The following DNAAF4 variants were observed in gnomAD, a reference collection of about 807,000 sequenced individuals.
DNAAF4 encodes the protein dynein axonemal assembly factor 4.
DNAAF4 carries 43 observed loss-of-function variants against 51.8 expected under a neutral mutation model. That is an observed-to-expected ratio of 0.83 (90% confidence interval 0.65 to 1.07). The LOEUF is 1.07. Ranked by LOEUF, DNAAF4 falls within the 50% of genes least tolerant of loss-of-function variation. The pLI is 0.00. For missense variants in DNAAF4, 581 were observed against 493.0 expected, an observed-to-expected ratio of 1.18 and a Z score of -1.69; for synonymous variants, 194 against 165.6, an observed-to-expected ratio of 1.17 and a Z score of -1.32.
chr15:55,457,883 C>T (rs2058042818), intron 5 of DNAAF4, among the ~76,000 whole-genome samples: 1 of 152,210 alleles, frequency 6.6e-6, no homozygotes, highest in Non-Finnish European at 1.5e-5. Flanking sequence ...TCTTTGCAGA[C>T]ATTCCCCAGC....
At chr15:55,493,666 T>C (rs971009751) in intron 3 of DNAAF4, among the ~76,000 whole-genome samples, 3 of 152,182 alleles carry the variant, frequency 2.0e-5, no homozygotes, top group Admixed American at 1.3e-4. Context: ...AAAAAAATGG[T>C]TAAATAAATA....
At chr15:55,424,856 C>T (rs564161542) in intron 7 of DNAAF4, among the ~76,000 whole-genome samples, 6 of 151,572 alleles carry the variant, frequency 4.0e-5, no homozygotes, top group African/African-American at 7.3e-5. Flanking sequence ...ACCCCGTGCC[C>T]GGCTGTACCT....
At position 55,490,483 on chromosome 15, in the gene DNAAF4, T is replaced by A. The variant is rs563268939; in HGVS notation, c.405+640A>T. 2.8e-3 allele frequency among the ~76,000 whole-genome samples: 424 copies of A among 152,272 alleles called. 1 individual carries two copies. The highest frequency in any genetic ancestry group is 0.01 in the Middle Eastern group (3 of 294). ...TTAAAACCCTTAACAGTTAAAAAAA[T>A]TTGACAATAATGTTTTAAATATGCT... On this transcript the variant is annotated intron_variant, in intron 4 of 9. Transcript: ENST00000321149.
chr15:55,498,011 T>C, intron 2 of DNAAF4, 152 bp from the exon 3 acceptor site: 2 of 1,312,220 alleles, frequency 1.5e-6, no homozygotes, highest in Non-Finnish European at 2.1e-6. Flanking sequence ...GAGGAAGCCC[T>C]GGATAAAAGT....
At chr15:55,489,864 C>T (rs571646968) in intron 4 of DNAAF4, among the ~76,000 whole-genome samples, 52 of 150,464 alleles carry the variant, frequency 3.5e-4, no homozygotes, top group Non-Finnish European at 7.2e-4. Flanking sequence ...AATGGGAATT[C>T]GAGATAAGAA....
At chr15:55,490,968 C>A (rs1250015834) in intron 4 of DNAAF4, 155 bp downstream of exon 4, 30 of 726,496 alleles carry the variant, frequency 4.1e-5, no homozygotes, top group South Asian at 1.5e-4. Context: ...AAAAAAAAAA[C>A]ACACATATAA....
chr15:55,505,777 G>C (rs186973479), intron 1 of DNAAF4, among the ~76,000 whole-genome samples: 10 of 152,230 alleles, frequency 6.6e-5, no homozygotes, highest in Admixed American at 4.6e-4. Flanking sequence ...GAGGTGGGGG[G>C]GCTGGGGGAG....
intron 7 of DNAAF4, among the ~76,000 whole-genome samples, chr15:55,423,319 A>G (rs2057403468): frequency 6.6e-6 from 1 of 151,932 alleles, no homozygotes; most frequent in Non-Finnish European, 1.5e-5. Context: ...GCGATTTTCC[A>G]ACCTCAGCCT....
intron 7 of DNAAF4, among the ~76,000 whole-genome samples, chr15:55,420,165 G>C (rs1256155559): frequency 1.3e-5 from 2 of 152,132 alleles, no homozygotes; most frequent in African/African-American, 4.8e-5. Flanking sequence ...TCCTGGAGAA[G>C]ATAAAGCTAA....
intron 6 of DNAAF4, chr15:55,443,113 C>G (rs911444472): frequency 3.8e-4 from 609 of 1,610,362 alleles, no homozygotes; most frequent in Non-Finnish European, 4.7e-4. Context: ...AGTAGGTGTA[C>G]GTTTATATGA....
intron 7 of DNAAF4, chr15:55,418,283 C>G (rs764597108): frequency 1.3e-6 from 2 of 1,551,578 alleles, no homozygotes; most frequent in Non-Finnish European, 1.7e-6. Flanking sequence ...ACAACTGCCT[C>G]CTTGTGTGAA....
intron 7 of DNAAF4, chr15:55,418,710 T>C: frequency 1.6e-6 from 1 of 618,724 alleles, no homozygotes; most frequent in East Asian, 2.9e-5. Context: ...TTTCAACTGA[T>C]AACTACATGA....
chr15:55,417,869 T>A (rs760630767), exon 8 of DNAAF4: 5 of 347,302 alleles, frequency 1.4e-5, no homozygotes, highest in Non-Finnish European at 2.1e-5. Flanking sequence ...GGGTAGGTAA[T>A]GGAAAATTAC....
At chr15:55,444,888 A>T (rs1372612842) in intron 6 of DNAAF4, among the ~76,000 whole-genome samples, 1 of 152,110 alleles carries the variant, frequency 6.6e-6, no homozygotes, top group African/African-American at 2.4e-5. Flanking sequence ...ATTTCTGCAC[A>T]TTGATTTTGT....
At chr15:55,427,780 A>G (rs1028436450), downstream of DNAAF4, among the ~76,000 whole-genome samples, 1 of 151,094 alleles carries the variant, frequency 6.6e-6, no homozygotes, top group Non-Finnish European at 1.5e-5. Context: ...GGATTACAGG[A>G]AAGCGCCACC....
At chr15:55,478,731 CA>C (rs2058368917) in intron 4 of DNAAF4, among the ~76,000 whole-genome samples, 1 of 152,188 alleles carries the variant, frequency 6.6e-6, no homozygotes, top group African/African-American at 2.4e-5. Context: ...ACAAAGGTTA[CA>C]ATGACAAGAC....
At chr15:55,470,426 G>A (rs993488343) in intron 4 of DNAAF4, among the ~76,000 whole-genome samples, 2 of 152,060 alleles carry the variant, frequency 1.3e-5, no homozygotes, top group African/African-American at 2.4e-5. Context: ...GAAAGATACC[G>A]GGGAAGGAGC....
Position 55,430,881 on chromosome 15 carries a change from T to C in DNAAF4, c.1154-102A>G, listed in dbSNP as rs539827381. On this transcript the variant is annotated intron_variant, in intron 9 of 9. Transcript: ENST00000321149. ...AAAATAAAAATAATCACTAGTAGCA[T>C]GGTTCAGAACAAGTACCAAGTTTTA... is the stretch of plus-strand genomic sequence containing the variant. 17 of 938,774 alleles carry C rather than the reference T, an allele frequency of 1.8e-5. No individual in the cohort carries two copies. The African/African-American group carries it at 2.4e-4, about 13-fold the overall frequency. The allele number at this position is 938,774 out of a possible 1,614,324, so 58.2% of individuals were successfully genotyped here. A position where few individuals can be genotyped will look rare whatever the true frequency, so the allele number is the denominator to read the frequency against.
At chr15:55,491,707 C>T (rs1444978049) in intron 3 of DNAAF4, among the ~76,000 whole-genome samples, 2 of 134,112 alleles carry the variant, frequency 1.5e-5, no homozygotes. Flanking sequence ...ATATTATATA[C>T]TATTATTATA....
Sources: gnomAD v4.1 joint callset for allele counts (sites outside exome capture counted in the v4.1 genomes callset) on GRCh38, gnomAD v4.1.1 for gene constraint, MANE v1.5 for transcripts, NCBI Gene and HGNC (gene_info 2026-07-23, HGNC 2026-07-21) for gene names.